The following SLC1A1 variants were observed in gnomAD, a reference collection of about 807,000 sequenced individuals.
SLC1A1 encodes the protein excitatory amino acid transporter 3.
In SLC1A1, 43 loss-of-function variants were observed where a neutral mutation model predicts 53.3. The ratio of observed to expected loss-of-function variants is 0.81; its 90% CI spans 0.63 to 1.04. The LOEUF (loss-of-function observed/expected upper bound fraction) is 1.04. Among genes scored for constraint, SLC1A1 ranks in the 50% least tolerant of loss-of-function variants. SLC1A1 has a pLI of 0.00. For missense variants in SLC1A1, 748 were observed against 664.9 expected (o/e 1.12, Z -1.37); for synonymous variants, 307 against 243.2 (o/e 1.26, Z -2.44).
At position 4,556,283 on chromosome 9, in the gene SLC1A1, G is replaced by A. The variant is rs1032625181; in HGVS notation, c.233-5166G>A. Among the ~76,000 whole-genome samples the A allele has an allele frequency of 6.6e-6, 1 of 152,204 alleles. No homozygotes were observed. Among genetic ancestry groups the A allele is most frequent in the Non-Finnish European group, 1.5e-5 (1 of 68,038 alleles). On this transcript the variant is annotated intron_variant, in intron 2 of 11. Transcript: ENST00000262352. The surrounding 1 kb of genome is among the most constrained non-coding windows in gnomAD (Gnocchi z 4.1). ...GATCCACCTGCCTGGGCCTCCCAAAGTGCTGGGATTACCGGCGTGAGCCAC... is the reference window on the plus strand; with the variant it reads ...GATCCACCTGCCTGGGCCTCCCAAAATGCTGGGATTACCGGCGTGAGCCAC...
In SLC1A1 at chr9:4,530,452, G is replaced by C. The variant is rs1174216185; in HGVS notation, c.92-14115G>C. ...AGCAATCCCTCTTCCTGGGCGCAGA[G>C]ATGCTGGTTTAACACAGTCATGTGT... On this transcript the variant is annotated intron_variant, in intron 1 of 11. Coordinates refer to ENST00000262352, the MANE Select transcript of SLC1A1 (RefSeq NM_004170.6). 3.3e-5 allele frequency among the ~76,000 whole-genome samples: 5 copies of C among 152,200 alleles called. 1 individual carries two copies. The highest frequency in any genetic ancestry group is 2.6e-4 in the Admixed American group (4 of 15,284).
chr9:4,567,006 G>T (rs1819553282), intron 5 of SLC1A1, among the ~76,000 whole-genome samples: 1 of 152,164 alleles, frequency 6.6e-6, no homozygotes, highest in Non-Finnish European at 1.5e-5. Flanking sequence ...TTGCAGATCA[G>T]TCACAGTGGT....
At chr9:4,539,466 G>C (rs375441214) in intron 1 of SLC1A1, among the ~76,000 whole-genome samples, 6 of 152,156 alleles carry the variant, frequency 3.9e-5, no homozygotes, top group African/African-American at 1.4e-4. Context: ...ATGATATTCT[G>C]TGCATCTTCT....
At chr9:4,542,302 G>A (rs934875202) in intron 1 of SLC1A1, among the ~76,000 whole-genome samples, 2 of 152,094 alleles carry the variant, frequency 1.3e-5, no homozygotes, top group African/African-American at 4.8e-5. Flanking sequence ...CCTACTTGGG[G>A]TACATGTCAC....
rs139707526 is a variant in SLC1A1 at position 4,583,131 on chromosome 9, C to T, written c.1287C>T (p.Pro429=). Residue 429 remains proline (P), a synonymous_variant, in exon 11 of 12, where the codon CCC becomes CCT. Coordinates refer to ENST00000262352, the MANE Select transcript of SLC1A1 (RefSeq NM_004170.6). The surrounding 1 kb of genome is among the most constrained non-coding windows in gnomAD (Gnocchi z 4.6). ...TTGTGCTGAGTGCCGTGGGCCTGCC[C>T]GCCGAGGATGTCACCCTGATCATTG... is the stretch of plus-strand genomic sequence containing the variant. ...MVIVLSAVGL[P]AEDVTLIIAV... 174 of 1,614,106 alleles carry T rather than the reference C, an allele frequency of 1.1e-4. 1 individual carries two copies. Among genetic ancestry groups the T allele is most frequent in the Admixed American group, 1.8e-4 (11 of 60,008 alleles).
intron 1 of SLC1A1, among the ~76,000 whole-genome samples, chr9:4,512,670 A>G (rs1379897990): frequency 6.6e-6 from 1 of 152,204 alleles, no homozygotes; most frequent in Admixed American, 6.5e-5. Flanking sequence ...AGACATGGCA[A>G]AAACTGCAAT....
intron 1 of SLC1A1, among the ~76,000 whole-genome samples, chr9:4,544,059 C>T (rs921815358): frequency 7.2e-5 from 11 of 152,046 alleles, no homozygotes; most frequent in African/African-American, 2.7e-4. Context: ...GCATATAGTC[C>T]TAGCTACTCG....
At chr9:4,500,157 C>T (rs766581538) in intron 1 of SLC1A1, among the ~76,000 whole-genome samples, 4 of 152,178 alleles carry the variant, frequency 2.6e-5, no homozygotes, top group Non-Finnish European at 5.9e-5. Flanking sequence ...TGCAAATTTC[C>T]CGTGTCGCTG....
chr9:4,580,651 G>GTGCGTGTGTGTA (rs370378540), intron 10 of SLC1A1, among the ~76,000 whole-genome samples: 1 of 118,844 alleles, frequency 8.4e-6, no homozygotes, highest in South Asian at 2.8e-4. Context: ...GTGTGTGTGT[G>GTGCGTGTGTGTA]TATAAGGAAT....
intron 1 of SLC1A1, among the ~76,000 whole-genome samples, chr9:4,514,390 T>C (rs756255163): frequency 2.0e-5 from 3 of 152,162 alleles, no homozygotes; most frequent in Non-Finnish European, 2.9e-5. Context: ...GTTTTGGGTA[T>C]TGTTGGGCAT....
At chr9:4,517,009 G>A (rs1243034472) in intron 1 of SLC1A1, among the ~76,000 whole-genome samples, 1 of 152,130 alleles carries the variant, frequency 6.6e-6, no homozygotes, top group Non-Finnish European at 1.5e-5. Flanking sequence ...ATCGAAGCTG[G>A]CCATGTGACT....
At chr9:4,564,972 G>C (rs1297114579) in intron 4 of SLC1A1, among the ~76,000 whole-genome samples, 1 of 152,166 alleles carries the variant, frequency 6.6e-6, no homozygotes, top group Non-Finnish European at 1.5e-5. Flanking sequence ...AAGTTTGTTA[G>C]CTCATGGTAA....
intron 1 of SLC1A1, among the ~76,000 whole-genome samples, chr9:4,522,731 G>C (rs1288202373): frequency 6.6e-6 from 1 of 152,096 alleles, no homozygotes; most frequent in Non-Finnish European, 1.5e-5. Context: ...GCGTGTGAAG[G>C]AGGAACTGTC....
chr9:4,527,018 C>G (rs1033401682), intron 1 of SLC1A1, among the ~76,000 whole-genome samples: 3 of 152,152 alleles, frequency 2.0e-5, no homozygotes, highest in African/African-American at 7.2e-5. Flanking sequence ...GTAGGCCTGA[C>G]TTAATAAAGT....
intron 1 of SLC1A1, among the ~76,000 whole-genome samples, chr9:4,506,145 C>T (rs1234621501): frequency 2.6e-5 from 4 of 151,404 alleles, no homozygotes; most frequent in East Asian, 3.9e-4. Context: ...TTAGTAGAGA[C>T]GGGGTTTCGC....
Position 4,561,959 on chromosome 9 carries a change from T to C in SLC1A1, c.325+418T>C, listed in dbSNP as rs374992765. Among the ~76,000 whole-genome samples, 16 of 152,268 alleles carry C rather than the reference T, an allele frequency of 1.1e-4. No individual in the cohort carries two copies. In the East Asian group the frequency reaches 1.5e-3, roughly 15 times the overall value. Reference sequence around the variant, plus strand: ...AAAAAGAGACGTGGGGAGTCTTCTATGTTGCCCAGGCTGGTCTTGAACTCT... The same window carrying C: ...AAAAAGAGACGTGGGGAGTCTTCTACGTTGCCCAGGCTGGTCTTGAACTCT... On this transcript the variant is annotated intron_variant, in intron 3 of 11. Transcript: ENST00000262352.
At chr9:4,547,264 T>C (rs1468393527) in intron 2 of SLC1A1, among the ~76,000 whole-genome samples, 1 of 152,196 alleles carries the variant, frequency 6.6e-6, no homozygotes. Flanking sequence ...AGGAAAATAA[T>C]TTACAACTCA....
intron 4 of SLC1A1, 149 bp from the exon 5 acceptor site, chr9:4,565,898 C>T (rs1819438508): frequency 4.3e-6 from 3 of 704,440 alleles, no homozygotes; most frequent in Non-Finnish European, 7.6e-6. Context: ...AAAAAGAAAT[C>T]TCAATACAAG....
chr9:4,496,735 A>C (rs1820437378), intron 1 of SLC1A1, among the ~76,000 whole-genome samples: 1 of 151,976 alleles, frequency 6.6e-6, no homozygotes, highest in Non-Finnish European at 1.5e-5. Context: ...GTCTCTGCAA[A>C]ATAAAAATTA....
Sources: allele counts gnomAD v4.1 joint callset (sites outside exome capture counted in the v4.1 genomes callset), GRCh38; gene constraint gnomAD v4.1.1; non-coding constraint Gnocchi (gnomAD v3.1); transcripts MANE v1.5; gene names NCBI Gene and HGNC (gene_info 2026-07-23, HGNC 2026-07-21).